Variants in AEBP2 observed in about 807,000 individuals in gnomAD.
AEBP2 encodes the protein AE binding protein 2, also known as zinc finger protein AEBP2.
AEBP2 carries 10 observed loss-of-function variants against 50.8 expected under a neutral mutation model. The ratio of observed to expected loss-of-function variants is 0.20; its 90% CI spans 0.12 to 0.33. AEBP2 has a LOEUF of 0.33. Ranked by LOEUF, AEBP2 falls within the 10% of genes least tolerant of loss-of-function variation. The pLI, the probability that AEBP2 is intolerant of heterozygous loss-of-function variation, is 1.00. For missense variants in AEBP2, 570 were observed against 688.0 expected, an observed-to-expected ratio of 0.83 and a Z score of 1.92; for synonymous variants, 296 against 261.3, an observed-to-expected ratio of 1.13 and a Z score of -1.28.
chr12:19,405,556 C>T (rs1224673166), intron 1 of AEBP2, among the ~76,000 whole-genome samples: 1 of 151,318 alleles, frequency 6.6e-6, no homozygotes, highest in Non-Finnish European at 1.5e-5. Context: ...CATCTCTTGA[C>T]CTCGTGATCC....
chr12:19,448,439 C>A (rs1030552115), intron 1 of AEBP2, among the ~76,000 whole-genome samples: 3 of 151,038 alleles, frequency 2.0e-5, no homozygotes, highest in East Asian at 1.9e-4. Flanking sequence ...GATCTGAGAT[C>A]GTGCCATTGT....
intron 1 of AEBP2, among the ~76,000 whole-genome samples, chr12:19,449,509 G>A (rs1291577471): frequency 6.6e-6 from 1 of 152,156 alleles, no homozygotes; most frequent in South Asian, 2.1e-4. Flanking sequence ...ATAAAAGAAT[G>A]TAGCCTACTT....
rs1381914056 is a variant in AEBP2 at position 19,522,183 on chromosome 12, C to T, written c.*4066C>T. ...AGGGAAGAAATTGTTAGAAAATTTC[C>T]TGTGTACGTAGTTTGTTTTTAAATT... On this transcript the variant is annotated 3_prime_UTR_variant, in exon 8 of 8. Transcript: ENST00000266508. 3.3e-5 allele frequency: 5 copies of T among 151,638 alleles called. No individual in the cohort carries two copies. The highest frequency in any genetic ancestry group is 7.4e-5 in the Non-Finnish European group (5 of 67,916). The allele number at this position is 151,638 out of a possible 1,614,324, so 9.4% of individuals were successfully genotyped here.
chr12:19,481,476 CTT>C (rs777141370), intron 3 of AEBP2, among the ~76,000 whole-genome samples: 2 of 137,926 alleles, frequency 1.5e-5, no homozygotes, highest in Admixed American at 7.3e-5. Context: ...CTTTTCTTTT[CTT>C]TTTTTTTTTG....
chr12:19,463,052 T>G (rs1948405418), intron 2 of AEBP2, among the ~76,000 whole-genome samples: 1 of 152,224 alleles, frequency 6.6e-6, no homozygotes, highest in South Asian at 2.1e-4. Context: ...CTTTCTTGAT[T>G]TTCCTTTGTT....
intron 1 of AEBP2, among the ~76,000 whole-genome samples, chr12:19,450,791 A>C (rs1948155122): frequency 6.6e-6 from 1 of 150,518 alleles, no homozygotes; most frequent in South Asian, 2.1e-4. Context: ...GCAATGAACT[A>C]TGATTGTGCC....
chr12:19,502,099 T>C (rs183410894), intron 5 of AEBP2, among the ~76,000 whole-genome samples: 1 of 152,228 alleles, frequency 6.6e-6, no homozygotes, highest in Non-Finnish European at 1.5e-5. Context: ...TGTCCTTACT[T>C]ACTTCCCAAT....
At chr12:19,472,148 T>C (rs1948583044) in intron 2 of AEBP2, among the ~76,000 whole-genome samples, 1 of 152,194 alleles carries the variant, frequency 6.6e-6, no homozygotes, top group African/African-American at 2.4e-5. Context: ...GTTTATAGAC[T>C]GTCAGTTTTT....
At chr12:19,453,386 G>A (rs1002535006) in intron 1 of AEBP2, among the ~76,000 whole-genome samples, 2 of 151,992 alleles carry the variant, frequency 1.3e-5, no homozygotes, top group Non-Finnish European at 2.9e-5. Context: ...CCAACATGTT[G>A]GGATTATAGG....
Position 19,405,070 on chromosome 12 carries a change from G to A in AEBP2, c.-17+854G>A, listed in dbSNP as rs1430573827. On this transcript the variant is annotated intron_variant, in intron 1 of 3. Transcript: ENST00000538425. ...CTGCCTCAAGCCTCCTGAGTAGCTG[G>A]GACTACAGGCATGCCCCACCACGCC... is the stretch of plus-strand genomic sequence containing the variant. Among the ~76,000 whole-genome samples the A allele has an allele frequency of 2.0e-5, 3 of 151,098 alleles. No homozygotes were observed. The Admixed American group carries it at 2.0e-4, about 10-fold the overall frequency.
At chr12:19,417,131 C>T (rs2095743059) in intron 1 of AEBP2, among the ~76,000 whole-genome samples, 1 of 152,060 alleles carries the variant, frequency 6.6e-6, no homozygotes, top group African/African-American at 2.4e-5. Flanking sequence ...CTCAGCCTCC[C>T]AAAGTGCTGG....
intron 5 of AEBP2, chr12:19,509,151 G>A: frequency 2.2e-6 from 1 of 455,472 alleles, no homozygotes; most frequent in Non-Finnish European, 4.1e-6. Context: ...GGTTCCATGT[G>A]TGCTAAATGT....
Position 19,474,234 on chromosome 12 carries a change from G to A in AEBP2, c.987+879G>A, listed in dbSNP as rs549180473. 5.3e-4 allele frequency among the ~76,000 whole-genome samples: 80 copies of A among 152,124 alleles called. 1 individual carries two copies. The highest frequency in any genetic ancestry group is 1.9e-3 in the African/African-American group (77 of 41,540). ...ATCTTTATGAAAAATTAAGTATTTT[G>A]GTTTCTATTTATGGAAAGCAGCATA... On this transcript the variant is annotated intron_variant, in intron 3 of 7. Transcript: ENST00000266508.
Position 19,440,111 on chromosome 12 carries a change from C to T in AEBP2, c.412C>T (p.Arg138Cys). 1.3e-6 allele frequency: 2 copies of T among 1,504,552 alleles called. No individual in the cohort carries two copies. The highest frequency in any genetic ancestry group is 1.4e-5 in the African/African-American group (1 of 69,122). The allele number at this position is 1,504,552 out of a possible 1,614,324, so 93.2% of individuals were successfully genotyped here. The change falls in exon 1 of 8, where the codon CGC (arginine) becomes TGC (cysteine). Residue 138 changes from arginine to cysteine, a missense_variant. Arg to Cys is a radical substitution (Grantham distance 180). Coordinates refer to ENST00000266508, the MANE Select transcript of AEBP2 (RefSeq NM_153207.5). ...SSGGSSSDET[R>C]SLSPGAASSS... ...CGGCGGGAGCAGCAGCGACGAGACC[C>T]GCTCGTTGAGCCCCGGCGCCGCCAG...
chr12:19,443,417 T>C (rs1390638944), intron 1 of AEBP2, among the ~76,000 whole-genome samples: 3 of 151,288 alleles, frequency 2.0e-5, no homozygotes, highest in Admixed American at 1.3e-4. Flanking sequence ...TCTTAAGTGC[T>C]ACTTTTAAAA....
intron 1 of AEBP2, among the ~76,000 whole-genome samples, chr12:19,447,752 G>A (rs1468631606): frequency 3.3e-5 from 5 of 152,182 alleles, no homozygotes; most frequent in Admixed American, 6.5e-5. Context: ...GAGGATAAGC[G>A]ATCAGTATTG....
chr12:19,443,068 A>G (rs1947991464), intron 1 of AEBP2, among the ~76,000 whole-genome samples: 1 of 151,326 alleles, frequency 6.6e-6, no homozygotes, highest in Middle Eastern at 3.4e-3. Context: ...GATATGCTCT[A>G]GAATTTGTTG....
At chr12:19,411,936 T>C (rs948280467) in intron 1 of AEBP2, among the ~76,000 whole-genome samples, 2 of 152,222 alleles carry the variant, frequency 1.3e-5, no homozygotes, top group African/African-American at 4.8e-5. Flanking sequence ...TGGCTTGGAA[T>C]TGAAAAGGTA....
intron 4 of AEBP2, among the ~76,000 whole-genome samples, chr12:19,499,082 C>T (rs757731598): frequency 6.6e-6 from 1 of 152,100 alleles, no homozygotes; most frequent in Non-Finnish European, 1.5e-5. Context: ...ATTTATAAGG[C>T]ATTTTTATAT....
Sources: allele counts gnomAD v4.1 joint callset (sites outside exome capture counted in the v4.1 genomes callset), GRCh38; gene constraint gnomAD v4.1.1; transcripts MANE v1.5; gene names NCBI Gene and HGNC (gene_info 2026-07-23, HGNC 2026-07-21).